The following AUH variants were observed in gnomAD, a reference collection of about 807,000 sequenced individuals.
AUH encodes the protein methylglutaconyl-CoA hydratase, mitochondrial.
AUH carries 29 observed loss-of-function variants against 42.3 expected under a neutral mutation model. That is an observed-to-expected ratio of 0.69 (90% CI 0.51 to 0.93). The LOEUF is 0.93. AUH is among the 40% of genes least tolerant of loss of function. The pLI, the probability that AUH is intolerant of heterozygous loss-of-function variation, is 0.00. For missense variants in AUH, 452 were observed against 438.1 expected, an observed-to-expected ratio of 1.03 and a Z score of -0.28; for synonymous variants, 174 against 166.4, an observed-to-expected ratio of 1.05 and a Z score of -0.35.
At chr9:91,281,603 G>C (rs1825968871) in intron 6 of AUH, among the ~76,000 whole-genome samples, 1 of 152,140 alleles carries the variant, frequency 6.6e-6, no homozygotes, top group Admixed American at 6.6e-5. Context: ...ATTCTTGATT[G>C]TCACTTCCCA....
chr9:91,267,390 T>C (rs1427954147), intron 6 of AUH, among the ~76,000 whole-genome samples: 4 of 152,190 alleles, frequency 2.6e-5, no homozygotes, highest in Non-Finnish European at 4.4e-5. Flanking sequence ...ACCTTTACAA[T>C]GTAGGATGAG....
intron 6 of AUH, among the ~76,000 whole-genome samples, chr9:91,278,579 C>A (rs371689251): frequency 2.4e-4 from 37 of 152,238 alleles, no homozygotes; most frequent in African/African-American, 8.4e-4. Context: ...GCGATTTCAA[C>A]GAATGGAAAA....
At chr9:91,260,187 CCTT>C (rs1000101596) in intron 6 of AUH, among the ~76,000 whole-genome samples, 5 of 152,050 alleles carry the variant, frequency 3.3e-5, no homozygotes, top group African/African-American at 9.7e-5. Flanking sequence ...TGGCATATCT[CCTT>C]CTATCCTTTT....
intron 6 of AUH, among the ~76,000 whole-genome samples, chr9:91,279,227 T>C (rs1042820183): frequency 1.6e-4 from 25 of 152,126 alleles, no homozygotes; most frequent in Admixed American, 9.2e-4. Context: ...GGTAATGACA[T>C]AGGCACTTTA....
At chr9:91,234,857 A>G (rs1338250477) in intron 6 of AUH, among the ~76,000 whole-genome samples, 1 of 147,990 alleles carries the variant, frequency 6.8e-6, no homozygotes, top group Non-Finnish European at 1.5e-5. Context: ...ACACTAGATG[A>G]CTAATTTAGA....
At position 91,359,873 on chromosome 9, in the gene AUH, G is replaced by A. The variant is rs116183424; in HGVS notation, c.262+1755C>T. Among the ~76,000 whole-genome samples the A allele has an allele frequency of 7.6e-4, 116 of 152,204 alleles. 1 individual carries two copies. The highest frequency in any genetic ancestry group is 2.7e-3 in the African/African-American group (112 of 41,520). Reference sequence around the variant, plus strand: ...GTTTTTCTTTGCACTGCTTATTGCTGGTTCAACAGTAAAGCAAAGCAAAGC... The same window carrying A: ...GTTTTTCTTTGCACTGCTTATTGCTAGTTCAACAGTAAAGCAAAGCAAAGC... On this transcript the variant is annotated intron_variant, in intron 1 of 9. Coordinates refer to ENST00000375731, the MANE Select transcript of AUH (RefSeq NM_001698.3).
intron 8 of AUH, 35 bp from the exon 9 acceptor site, chr9:91,216,141 T>A: frequency 6.3e-7 from 1 of 1,596,590 alleles, no homozygotes; most frequent in South Asian, 1.1e-5. Flanking sequence ...TCAGCAGAAA[T>A]AACTTTGCGA....
chr9:91,293,617 T>C (rs1271773505), intron 6 of AUH, among the ~76,000 whole-genome samples: 1 of 152,212 alleles, frequency 6.6e-6, no homozygotes, highest in Non-Finnish European at 1.5e-5. Context: ...AGTTGGAAGC[T>C]AGCAGAGGCT....
At chr9:91,281,731 G>A (rs1825979296) in intron 6 of AUH, among the ~76,000 whole-genome samples, 1 of 152,048 alleles carries the variant, frequency 6.6e-6, no homozygotes, top group Admixed American at 6.6e-5. Context: ...TACCCATCTA[G>A]TCTATCAAGA....
At chr9:91,283,458 C>A (rs964803084) in intron 6 of AUH, among the ~76,000 whole-genome samples, 2 of 152,072 alleles carry the variant, frequency 1.3e-5, no homozygotes, top group African/African-American at 4.8e-5. Context: ...GAAGTTCTGG[C>A]CAGGGCAATC....
intron 3 of AUH, among the ~76,000 whole-genome samples, chr9:91,351,466 A>G (rs1831977148): frequency 6.6e-6 from 1 of 152,210 alleles, no homozygotes; most frequent in East Asian, 1.9e-4. Context: ...TCGGTATATA[A>G]TAAGTCACTT....
chr9:91,321,892 T>C (rs1829605178), intron 4 of AUH, among the ~76,000 whole-genome samples: 1 of 152,212 alleles, frequency 6.6e-6, no homozygotes, highest in African/African-American at 2.4e-5. Flanking sequence ...CAGAGTTGTA[T>C]AGCTGCAACA....
intron 1 of AUH, 87 bp from the exon 2 acceptor site, chr9:91,356,242 G>C (rs1415113194): frequency 9.5e-7 from 1 of 1,051,808 alleles, no homozygotes; most frequent in Middle Eastern, 2.3e-4. Context: ...AGCTAGCTTC[G>C]AACTTAACAA....
intron 4 of AUH, among the ~76,000 whole-genome samples, chr9:91,301,494 C>T (rs1298160540): frequency 6.6e-6 from 1 of 152,184 alleles, no homozygotes; most frequent in Non-Finnish European, 1.5e-5. Flanking sequence ...TGCCTGTGCC[C>T]AGGAATTCAA....
chr9:91,309,163 G>A (rs1419728858), intron 4 of AUH, among the ~76,000 whole-genome samples: 9 of 151,898 alleles, frequency 5.9e-5, no homozygotes, highest in African/African-American at 2.2e-4. Flanking sequence ...TGTAATCCCA[G>A]CACTTTGGGA....
chr9:91,321,617 A>G (rs1036846879), intron 4 of AUH, among the ~76,000 whole-genome samples: 1 of 152,228 alleles, frequency 6.6e-6, no homozygotes, highest in African/African-American at 2.4e-5. Flanking sequence ...AATTAACTCC[A>G]AACAACAGGA....
chr9:91,317,755 G>A (rs1162301486), intron 4 of AUH, among the ~76,000 whole-genome samples: 8 of 152,122 alleles, frequency 5.3e-5, no homozygotes, highest in Non-Finnish European at 4.4e-5. Context: ...ATATTTTATT[G>A]TTAAGAAAGA....
rs142567731 is a variant in AUH, at chr9:91,223,225, G to A, written c.656-2233C>T. Among the ~76,000 whole-genome samples, 157 of 152,270 alleles carry A rather than the reference G, an allele frequency of 1.0e-3. 1 individual carries two copies. Among genetic ancestry groups the A allele is most frequent in the Admixed American group, 1.6e-3 (25 of 15,292 alleles). On this transcript the variant is annotated intron_variant, in intron 6 of 9. Coordinates refer to ENST00000375731, the MANE Select transcript of AUH (RefSeq NM_001698.3). Reference sequence around the variant, plus strand: ...CAGGAACCAGGGGAAAACCCTTGGCGTGGCTCACCCACTAACACTGCATCC... The same window carrying A: ...CAGGAACCAGGGGAAAACCCTTGGCATGGCTCACCCACTAACACTGCATCC...
At chr9:91,307,562 G>A (rs1210975649) in intron 4 of AUH, among the ~76,000 whole-genome samples, 8 of 152,086 alleles carry the variant, frequency 5.3e-5, no homozygotes, top group Non-Finnish European at 1.0e-4. Flanking sequence ...ACAAAATCTC[G>A]CACCATCCTG....
Sources: allele counts gnomAD v4.1 joint callset (sites outside exome capture counted in the v4.1 genomes callset), GRCh38; gene constraint gnomAD v4.1.1; transcripts MANE v1.5; gene names NCBI Gene and HGNC (gene_info 2026-07-23, HGNC 2026-07-21).